The following ACTR3C variants were observed in gnomAD, a reference collection of about 807,000 sequenced individuals.
ACTR3C encodes the protein actin related protein 3C.
In ACTR3C, 18 loss-of-function variants were observed where a neutral mutation model predicts 26.3. That is an observed-to-expected ratio of 0.68 (90% CI 0.47 to 1.01). The LOEUF (loss-of-function observed/expected upper bound fraction) is 1.01. Among genes scored for constraint, ACTR3C ranks in the 50% least tolerant of loss-of-function variants. The pLI is 0.00. For synonymous variants in ACTR3C, 55 were observed against 94.5 expected, an observed-to-expected ratio of 0.58 and a Z score of 2.42; for missense variants, 184 against 250.7, an observed-to-expected ratio of 0.73 and a Z score of 1.80.
At chr7:149,937,848 G>A in the ACTR3C span, among the ~76,000 whole-genome samples, 4 of 152,104 alleles carry the variant, frequency 2.6e-5, no homozygotes, top group Non-Finnish European at 5.9e-5. Flanking sequence ...CAGGCACCTG[G>A]GCAAAAACCC....
At chr7:150,231,232 A>G in the ACTR3C span, among the ~76,000 whole-genome samples, 2 of 152,172 alleles carry the variant, frequency 1.3e-5, no homozygotes, top group Admixed American at 6.5e-5. Flanking sequence ...TCTCTGCTAT[A>G]GGTTAAATGA....
At chr7:150,240,164 CAT>C (rs1470057667), downstream of ACTR3C, among the ~76,000 whole-genome samples, 1 of 152,198 alleles carries the variant, frequency 6.6e-6, no homozygotes, top group Non-Finnish European at 1.5e-5. Flanking sequence ...ACACATTTAG[CAT>C]ATGAGTTATC....
the ACTR3C span, among the ~76,000 whole-genome samples, chr7:149,944,831 C>G: frequency 0.46 from 68,457 of 150,112 alleles, 16,563 homozygotes; most frequent in Non-Finnish European, 0.54. Context: ...TGCACCAAGG[C>G]ATAAAAGAGT....
the ACTR3C span, among the ~76,000 whole-genome samples, chr7:150,084,449 G>A: frequency 6.6e-6 from 1 of 152,150 alleles, no homozygotes; most frequent in Non-Finnish European, 1.5e-5. Context: ...GATAAAACAA[G>A]ACAAAGAGAT....
the ACTR3C span, among the ~76,000 whole-genome samples, chr7:150,200,901 C>G: frequency 1.3e-5 from 2 of 152,236 alleles, no homozygotes; most frequent in African/African-American, 4.8e-5. Context: ...TAATTACCAT[C>G]AAGAACTTCT....
the ACTR3C span, among the ~76,000 whole-genome samples, chr7:149,973,674 G>A: frequency 6.6e-6 from 1 of 151,982 alleles, no homozygotes; most frequent in African/African-American, 2.4e-5. Flanking sequence ...AAGGCAATTC[G>A]GTCTGCGGGA....
At chr7:150,194,357 TTATATCAGAGGCAAAAGTCTTG>T in the ACTR3C span, among the ~76,000 whole-genome samples, 1 of 148,736 alleles carries the variant, frequency 6.7e-6, no homozygotes, top group Non-Finnish European at 1.5e-5. Flanking sequence ...CAAAAGTCTT[TTATATCAGAGGCAAAAGTCTTG>T]TATATGATAT....
At chr7:149,913,181 A>G in the ACTR3C span, among the ~76,000 whole-genome samples, 1 of 152,156 alleles carries the variant, frequency 6.6e-6, no homozygotes, top group African/African-American at 2.4e-5. Flanking sequence ...TCAATGCTAG[A>G]CTGGCCTGCC....
chr7:150,065,084 T>C, the ACTR3C span, among the ~76,000 whole-genome samples: 1 of 151,904 alleles, frequency 6.6e-6, no homozygotes, highest in Non-Finnish European at 1.5e-5. Context: ...GATGCTGGGC[T>C]ATCAATAAAG....
the ACTR3C span, among the ~76,000 whole-genome samples, chr7:149,915,070 G>A: frequency 6.6e-6 from 1 of 152,048 alleles, no homozygotes; most frequent in Non-Finnish European, 1.5e-5. Flanking sequence ...AGTAAAAACG[G>A]GGTTTCACCA....
the ACTR3C span, among the ~76,000 whole-genome samples, chr7:150,199,787 C>T: frequency 8.3e-6 from 1 of 119,982 alleles, no homozygotes; most frequent in African/African-American, 3.2e-5. Context: ...TGTGAGGTAA[C>T]AGATGTATTA....
chr7:149,927,002 C>A, the ACTR3C span, among the ~76,000 whole-genome samples: 2 of 152,046 alleles, frequency 1.3e-5, no homozygotes, highest in East Asian at 3.9e-4. Context: ...CACGCAGGGC[C>A]TCATTAGATG....
At chr7:150,268,102 A>G (rs1834184545) in intron 6 of ACTR3C, among the ~76,000 whole-genome samples, 1 of 151,974 alleles carries the variant, frequency 6.6e-6, no homozygotes, top group Non-Finnish European at 1.5e-5. Context: ...GACTTAAATG[A>G]GAAGAAAGAT....
chr7:150,146,803 G>A, the ACTR3C span, among the ~76,000 whole-genome samples: 1 of 152,154 alleles, frequency 6.6e-6, no homozygotes, highest in Non-Finnish European at 1.5e-5. Context: ...GCATTCTGAA[G>A]GCCATCTGCT....
chr7:149,957,280 C>T, the ACTR3C span, among the ~76,000 whole-genome samples: 3 of 152,246 alleles, frequency 2.0e-5, no homozygotes, highest in East Asian at 1.9e-4. Context: ...AGACACTCGG[C>T]CACCTTCTCC....
At chr7:150,090,591 A>G in the ACTR3C span, among the ~76,000 whole-genome samples, 1 of 151,284 alleles carries the variant, frequency 6.6e-6, no homozygotes, top group Admixed American at 6.6e-5. Context: ...AATACTTACA[A>G]ACCTTCAAAG....
the ACTR3C span, among the ~76,000 whole-genome samples, chr7:149,928,194 T>C: frequency 8.1e-6 from 1 of 123,240 alleles, no homozygotes; most frequent in African/African-American, 3.2e-5. Flanking sequence ...GCTTTCTTTT[T>C]TTCTTTTCTT....
chr7:150,094,525 C>T, the ACTR3C span, among the ~76,000 whole-genome samples: 5 of 150,574 alleles, frequency 3.3e-5, no homozygotes, highest in South Asian at 2.1e-4. Flanking sequence ...GCTGCTACCT[C>T]GTATGTGCCA....
At chr7:150,143,078 C>T in the ACTR3C span, among the ~76,000 whole-genome samples, 3 of 152,130 alleles carry the variant, frequency 2.0e-5, no homozygotes, top group African/African-American at 4.8e-5. Context: ...GTGATCCACC[C>T]GCCTAGGCCT....
Sources: allele counts gnomAD v4.1 joint callset (sites outside exome capture counted in the v4.1 genomes callset), GRCh38; gene constraint gnomAD v4.1.1; transcripts MANE v1.5; gene names NCBI Gene and HGNC (gene_info 2026-07-23, HGNC 2026-07-21).